The following RASSF8 variants were observed in gnomAD, a reference collection of about 807,000 sequenced individuals.
RASSF8 encodes the protein ras association domain-containing protein 8.
RASSF8 carries 22 observed loss-of-function variants against 48.5 expected under a neutral mutation model. That is an observed-to-expected ratio of 0.45 (90% confidence interval 0.32 to 0.65). The LOEUF (loss-of-function observed/expected upper bound fraction) is 0.65. RASSF8 is among the 30% of genes least tolerant of loss of function. The pLI is 0.03. For missense variants in RASSF8, 418 were observed against 489.2 expected, an observed-to-expected ratio of 0.85 and a Z score of 1.37; for synonymous variants, 127 against 171.5, an observed-to-expected ratio of 0.74 and a Z score of 2.03.
At position 25,958,708 on chromosome 12, in the gene RASSF8, G is replaced by A. The variant is rs1286679634; in HGVS notation, c.-643G>A. ...GAGGCACCGGCCGCGGGAGCGAGCG[G>A]GTCGCCGACTCCTACGCCCGCGCTC... is the stretch of plus-strand genomic sequence containing the variant. On this transcript the variant is annotated 5_prime_UTR_variant, in exon 1 of 6. Coordinates refer to ENST00000689635, the MANE Select transcript of RASSF8 (RefSeq NM_001394098.1). The A allele has an allele frequency of 1.4e-5, 2 of 146,424 alleles. No homozygotes were observed. Among genetic ancestry groups the A allele is most frequent in the Admixed American group, 1.4e-4 (2 of 14,756 alleles). 9.1% of individuals were successfully genotyped at this position (146,424 alleles called of 1,614,324 possible).
intron 3 of RASSF8, among the ~76,000 whole-genome samples, chr12:26,058,313 G>A (rs753616974): frequency 1.6e-4 from 25 of 152,178 alleles, no homozygotes; most frequent in Non-Finnish European, 3.1e-4. Context: ...TCTGTGGTGA[G>A]AGTTTATTAA....
At chr12:25,958,521 G>A (rs1288653644), upstream of RASSF8, 1 of 150,768 alleles carries the variant, frequency 6.6e-6, no homozygotes, top group Non-Finnish European at 1.5e-5. Context: ...GGCGCGGGCG[G>A]GGCGCGGAGG....
At chr12:25,979,365 A>G (rs550183139) in intron 1 of RASSF8, among the ~76,000 whole-genome samples, 2 of 152,298 alleles carry the variant, frequency 1.3e-5, no homozygotes, top group East Asian at 3.9e-4. Context: ...GTTGGCCAGC[A>G]GTATCAAAGC....
chr12:25,964,703 C>A (rs1002666658), intron 1 of RASSF8, among the ~76,000 whole-genome samples: 1 of 152,120 alleles, frequency 6.6e-6, no homozygotes, highest in Non-Finnish European at 1.5e-5. Context: ...AGGTTTTACC[C>A]TTATTTTTGC....
chr12:26,060,966 G>A (rs772495139), intron 3 of RASSF8, among the ~76,000 whole-genome samples: 1 of 152,092 alleles, frequency 6.6e-6, no homozygotes, highest in Non-Finnish European at 1.5e-5. Context: ...GGAGGATTTG[G>A]TACTGAAGAA....
At chr12:26,032,687 A>G (rs1048167767) in intron 2 of RASSF8, among the ~76,000 whole-genome samples, 1 of 152,224 alleles carries the variant, frequency 6.6e-6, no homozygotes, top group African/African-American at 2.4e-5. Context: ...AGAGCTAGAT[A>G]GATTTCATTA....
In RASSF8 at chr12:26,068,680, C is replaced by G; in HGVS notation, c.1139-17C>G. 6.5e-7 allele frequency: 1 copy of G among 1,531,310 alleles called. No individual in the cohort carries two copies. The highest frequency in any genetic ancestry group is 1.2e-5 in the South Asian group (1 of 83,900). 94.9% of individuals were successfully genotyped at this position (1,531,310 alleles called of 1,614,324 possible). A position where few individuals can be genotyped will look rare whatever the true frequency, so the allele number is the denominator to read the frequency against. ...GTTGACGAGCTCATCAGGTGGCTCT[C>G]TTTGTTTCCTGTTTAGAGGCACCAT... On this transcript the variant is annotated splice_polypyrimidine_tract_variant and intron_variant, in intron 5 of 5. Transcript: ENST00000689635.
intron 2 of RASSF8, among the ~76,000 whole-genome samples, chr12:26,007,099 CGGAG>C (rs1222881817): frequency 2.0e-5 from 3 of 151,822 alleles, no homozygotes; most frequent in Admixed American, 2.0e-4. Flanking sequence ...AGGGGTTGGC[CGGAG>C]GGAGGAGGTG....
chr12:26,028,118 A>G (rs1942954597), intron 2 of RASSF8, among the ~76,000 whole-genome samples: 1 of 152,228 alleles, frequency 6.6e-6, no homozygotes, highest in African/African-American at 2.4e-5. Flanking sequence ...AATAATGTGG[A>G]TGAATTATAA....
chr12:26,068,548 C>T lies in RASSF8; in HGVS notation c.1139-149C>T, dbSNP rs183075730. The T allele has an allele frequency of 1.9e-5, 12 of 630,244 alleles. No homozygotes were observed. The East Asian group carries it at 3.1e-4, about 16-fold the overall frequency. The allele number at this position is 630,244 out of a possible 1,614,324, so 39.0% of individuals were successfully genotyped here. ...CAAAGAGACCTGAGAAGGTTTTAGCCTTCTCCCCCAGCCCAGGGCACACAG... is the reference window on the plus strand; with the variant it reads ...CAAAGAGACCTGAGAAGGTTTTAGCTTTCTCCCCCAGCCCAGGGCACACAG... On this transcript the variant is annotated intron_variant, in intron 5 of 5. Transcript: ENST00000689635.
chr12:26,012,131 C>T (rs747311681), intron 2 of RASSF8, among the ~76,000 whole-genome samples: 8 of 152,262 alleles, frequency 5.3e-5, no homozygotes, highest in Non-Finnish European at 7.4e-5. Context: ...ATTGAAGTCT[C>T]GGCTTTTCCT....
chr12:26,035,678 C>G (rs1162800542), intron 2 of RASSF8, among the ~76,000 whole-genome samples: 1 of 143,022 alleles, frequency 7.0e-6, no homozygotes, highest in Non-Finnish European at 1.5e-5. Context: ...TTTTCTCTTA[C>G]AATAAACACT....
At chr12:25,964,144 A>AT (rs1410249988) in intron 1 of RASSF8, among the ~76,000 whole-genome samples, 1 of 151,848 alleles carries the variant, frequency 6.6e-6, no homozygotes, top group East Asian at 1.9e-4. Flanking sequence ...AACCCTTGTT[A>AT]TTTTTTTTCC....
At chr12:26,051,604 T>TA (rs553697353) in intron 2 of RASSF8, among the ~76,000 whole-genome samples, 74 of 152,362 alleles carry the variant, frequency 4.9e-4, no homozygotes, top group Admixed American at 8.5e-4. Flanking sequence ...TGCTATTCTT[T>TA]AGTTATTCTA....
rs1849916235 is a variant in RASSF8 at position 26,070,002 on chromosome 12, A to G, written c.*1184A>G. 5 of 976,150 alleles carry G rather than the reference A, an allele frequency of 5.1e-6. No individual in the cohort carries two copies. The highest frequency in any genetic ancestry group is 6.1e-6 in the Non-Finnish European group (5 of 821,402). The allele number at this position is 976,150 out of a possible 1,614,324, so 60.5% of individuals were successfully genotyped here. ...TGTTATTTTATTTGTAAAACCAAAT[A>G]TGACTCAACACCTTTTTGATGAGTA... On this transcript the variant is annotated 3_prime_UTR_variant, in exon 6 of 6. Transcript: ENST00000689635.
At position 26,072,394 on chromosome 12, in the gene RASSF8, C is replaced by T; in HGVS notation, c.*3576C>T. 1 of 984,334 alleles carries T rather than the reference C, an allele frequency of 1.0e-6. No individual in the cohort carries two copies. Among genetic ancestry groups the T allele is most frequent in the Non-Finnish European group, 1.2e-6 (1 of 828,946 alleles). 61.0% of individuals were successfully genotyped at this position (984,334 alleles called of 1,614,324 possible). A position where few individuals can be genotyped will look rare whatever the true frequency, so the allele number is the denominator to read the frequency against. Reference sequence around the variant, plus strand: ...TAAGCTTTCGATGCCAGGACAGTGACTGCCTGAAAGCTGCAGGAGCTCTTT... The same window carrying T: ...TAAGCTTTCGATGCCAGGACAGTGATTGCCTGAAAGCTGCAGGAGCTCTTT... On this transcript the variant is annotated 3_prime_UTR_variant, in exon 6 of 6. Transcript: ENST00000689635.
intron 1 of RASSF8, among the ~76,000 whole-genome samples, chr12:25,979,612 TC>T (rs1941690768): frequency 6.6e-6 from 1 of 152,214 alleles, no homozygotes; most frequent in Non-Finnish European, 1.5e-5. Flanking sequence ...GCTTTTTTAT[TC>T]CCCATTTTAC....
chr12:25,998,733 A>G (rs1332579968), intron 2 of RASSF8, among the ~76,000 whole-genome samples: 2 of 152,290 alleles, frequency 1.3e-5, no homozygotes, highest in East Asian at 1.9e-4. Flanking sequence ...AAAAATTCTC[A>G]AAGAAAGAAT....
At chr12:25,990,187 G>T (rs1592239458) in intron 1 of RASSF8, among the ~76,000 whole-genome samples, 1 of 149,892 alleles carries the variant, frequency 6.7e-6, no homozygotes, top group Non-Finnish European at 1.5e-5. Context: ...TGTGAAAAAA[G>T]TAAAAAAAAT....
Sources: gnomAD v4.1 joint callset for allele counts (sites outside exome capture counted in the v4.1 genomes callset) on GRCh38, gnomAD v4.1.1 for gene constraint, MANE v1.5 for transcripts, NCBI Gene and HGNC (gene_info 2026-07-23, HGNC 2026-07-21) for gene names.